NR5A2: variants seen among roughly 807,000 people sequenced by gnomAD.
The protein encoded by NR5A2 is CYP7A promoter-binding factor.
Under a neutral mutation model 62.7 loss-of-function variants are expected in NR5A2, and 26 were observed. The observed-to-expected ratio is 0.41, with a 90% confidence interval of 0.30 to 0.58. NR5A2 has a LOEUF of 0.58. NR5A2 is among the 20% of genes least tolerant of loss of function. NR5A2 has a pLI of 0.22. For synonymous variants in NR5A2, 246 were observed against 241.7 expected (o/e 1.02, Z -0.16); for missense variants, 541 against 669.1 (o/e 0.81, Z 2.11).
intron 7 of NR5A2, among the ~76,000 whole-genome samples, chr1:200,148,911 T>TC (rs1667855586): frequency 6.7e-6 from 1 of 148,824 alleles, no homozygotes; most frequent in Non-Finnish European, 1.5e-5. Flanking sequence ...CGGTACTTTT[T>TC]TTTTTTTTTT....
intron 4 of NR5A2, 109 bp downstream of exon 4, chr1:200,045,693 C>T (rs1571708407): frequency 1.2e-6 from 1 of 830,110 alleles, no homozygotes; most frequent in South Asian, 2.1e-5. Context: ...CATTTTAACA[C>T]TACCGACAAT....
intron 7 of NR5A2, among the ~76,000 whole-genome samples, chr1:200,135,428 G>A (rs1667173546): frequency 6.6e-6 from 1 of 152,044 alleles, no homozygotes; most frequent in Admixed American, 6.6e-5. Flanking sequence ...GGCTGAGACA[G>A]GAGAATCGCT....
At chr1:200,117,348 T>C (rs1666270076) in intron 6 of NR5A2, among the ~76,000 whole-genome samples, 1 of 152,242 alleles carries the variant, frequency 6.6e-6, no homozygotes, top group Admixed American at 6.5e-5. Context: ...TGCAATTTGA[T>C]AAATATCCTT....
intron 6 of NR5A2, among the ~76,000 whole-genome samples, chr1:200,119,158 C>T (rs12401508): frequency 0.081 from 12,352 of 152,156 alleles, 669 homozygotes; most frequent in Non-Finnish European, 0.12. Flanking sequence ...TCTGTACACC[C>T]AGTATTCTCT....
chr1:200,144,379 TGC>T (rs1425180555), intron 7 of NR5A2, among the ~76,000 whole-genome samples: 1 of 152,092 alleles, frequency 6.6e-6, no homozygotes, highest in Non-Finnish European at 1.5e-5. Context: ...AGCACACTGT[TGC>T]CCAACAAACT....
intron 6 of NR5A2, among the ~76,000 whole-genome samples, chr1:200,114,231 TATAC>T (rs1240702645): frequency 4.6e-5 from 6 of 130,792 alleles, no homozygotes; most frequent in Admixed American, 3.1e-4. Context: ...TATATATATA[TATAC>T]ACACACACAC....
At chr1:200,148,195 G>C in intron 7 of NR5A2, 1 of 276,600 alleles carries the variant, frequency 3.6e-6, no homozygotes, top group East Asian at 1.1e-4. Context: ...CAACCTGTCC[G>C]TTGGGCCTAT....
Position 200,074,736 on chromosome 1 carries a change from C to CAAAAAA in NR5A2, c.1110+25933_1110+25938dup, listed in dbSNP as rs199556915. 1.4e-3 allele frequency among the ~76,000 whole-genome samples: 96 copies of CAAAAAA among 67,538 alleles called. 6 individuals carry two copies. The highest frequency in any genetic ancestry group is 3.5e-3 in the South Asian group (5 of 1,430). 44.3% of individuals were successfully genotyped at this position (67,538 alleles called of 152,430 possible). A position where few individuals can be genotyped will look rare whatever the true frequency, so the allele number is the denominator to read the frequency against. ...TGGGCGACAGGGCGAGAGTCCATCT[C>CAAAAAA]AAAAAAAAAAAAAAAAAAAACACGA... On this transcript the variant is annotated intron_variant, in intron 5 of 7. Transcript: ENST00000367362.
rs747093006 is a variant in NR5A2, at chr1:200,048,335, T to A, written c.627T>A (p.Ile209=). 1 of 1,613,966 alleles carries A rather than the reference T, an allele frequency of 6.2e-7. No individual in the cohort carries two copies. The highest frequency in any genetic ancestry group is 1.3e-5 in the African/African-American group (1 of 74,890). Residue 209 remains isoleucine, a synonymous_variant, in exon 5 of 8, where the codon ATT becomes ATA. Transcript: ENST00000367362. This position sits in a 1 kb window ranked among gnomAD's most constrained non-coding sequence, Gnocchi z 4.8. ...AAGCTATGCCCTCTGACCTGACCAT[T>A]TCCTCTGCAATTCAAAACATCCACT... ...VIQAMPSDLT[I]SSAIQNIHSA...
Position 200,111,204 on chromosome 1 carries a change from T to C in NR5A2, c.1113T>C (p.Val371=), listed in dbSNP as rs758886632. The C allele has an allele frequency of 6.2e-7, 1 of 1,609,380 alleles. No homozygotes were observed. Among genetic ancestry groups the C allele is most frequent in the Non-Finnish European group, 8.5e-7 (1 of 1,178,750 alleles). ...RSSIFFRELK[V]DDQMKLLQNC... is the part of the protein sequence containing the mutation. ...GTTTGTTTCTATTTCTTTTGCAGGT[T>C]GATGACCAAATGAAGCTGCTTCAGA... Residue 371 remains valine, a splice_region_variant and synonymous_variant, in exon 6 of 8, where the codon GTT becomes GTC. Coordinates refer to ENST00000367362, the MANE Select transcript of NR5A2 (RefSeq NM_205860.3).
At chr1:200,092,986 C>A (rs1458558998) in intron 5 of NR5A2, among the ~76,000 whole-genome samples, 1 of 143,792 alleles carries the variant, frequency 7.0e-6, no homozygotes, top group Non-Finnish European at 1.5e-5. Context: ...CAGGTTCAAG[C>A]GATTCTCCTG....
At chr1:200,050,013 G>C (rs546935770) in intron 5 of NR5A2, among the ~76,000 whole-genome samples, 4 of 152,190 alleles carry the variant, frequency 2.6e-5, no homozygotes, top group Non-Finnish European at 2.9e-5. Flanking sequence ...ACGCTGTTAA[G>C]ACTGTGGACA....
At chr1:200,098,120 C>T (rs2816998) in intron 5 of NR5A2, among the ~76,000 whole-genome samples, 135,329 of 152,080 alleles carry the variant, frequency 0.89, 60,462 homozygotes, top group East Asian at 0.97. Context: ...AGTGGGTGCC[C>T]ATACTCCACC....
intron 5 of NR5A2, among the ~76,000 whole-genome samples, chr1:200,061,216 A>C (rs1240924163): frequency 6.6e-6 from 1 of 150,436 alleles, no homozygotes; most frequent in African/African-American, 2.5e-5. Flanking sequence ...AGAAAACCAC[A>C]TTATTTTGAA....
chr1:200,167,269 C>T (rs558707886), intron 7 of NR5A2, among the ~76,000 whole-genome samples: 3 of 152,286 alleles, frequency 2.0e-5, no homozygotes, highest in African/African-American at 7.2e-5. Flanking sequence ...AATATTGCTT[C>T]TCAAATCTGC....
chr1:200,174,578 A>T lies in NR5A2; in HGVS notation c.*368A>T, dbSNP rs1210011719. 1 of 158,024 alleles carries T rather than the reference A, an allele frequency of 6.3e-6. No individual in the cohort carries two copies. The highest frequency in any genetic ancestry group is 6.5e-5 in the Admixed American group (1 of 15,476). The allele number at this position is 158,024 out of a possible 1,614,324, so 9.8% of individuals were successfully genotyped here. A position where few individuals can be genotyped will look rare whatever the true frequency, so the allele number is the denominator to read the frequency against. On this transcript the variant is annotated 3_prime_UTR_variant, in exon 8 of 8. Coordinates refer to ENST00000367362, the MANE Select transcript of NR5A2 (RefSeq NM_205860.3). The stretch of plus-strand genomic sequence containing the variant: ...ATCTCCACTATGAAGAAATTTAGGA[A>T]CTAATCTTATTAATTAGGCTTATAC...
intron 1 of NR5A2, among the ~76,000 whole-genome samples, chr1:200,036,709 T>C (rs1661794571): frequency 6.6e-6 from 1 of 152,152 alleles, no homozygotes; most frequent in Admixed American, 6.5e-5. Flanking sequence ...AGGGAGCGTT[T>C]CCCATCGTCG....
chr1:200,067,459 G>A (rs1476678066), intron 5 of NR5A2, among the ~76,000 whole-genome samples: 1 of 152,232 alleles, frequency 6.6e-6, no homozygotes, highest in East Asian at 1.9e-4. Context: ...ACGAGGCTGA[G>A]GCAGGACAGT....
Position 200,048,322 on chromosome 1 carries a change from C to T in NR5A2, c.614C>T (p.Ser205Phe). ...AMSQVIQAMP[S>F]DLTISSAIQN... ...TCTCAGGTGATCCAAGCTATGCCCT[C>T]TGACCTGACCATTTCCTCTGCAATT... Residue 205 changes from serine to phenylalanine, a missense_variant, in exon 5 of 8, where the codon TCT becomes TTT. Ser to Phe is a radical substitution (Grantham distance 155, BLOSUM62 -2). Transcript: ENST00000367362. This position sits in a 1 kb window ranked among gnomAD's most constrained non-coding sequence, Gnocchi z 4.8. The T allele has an allele frequency of 6.2e-7, 1 of 1,614,214 alleles. No homozygotes were observed. Among genetic ancestry groups the T allele is most frequent in the Non-Finnish European group, 8.5e-7 (1 of 1,180,036 alleles).
Sources: gnomAD v4.1 joint callset for allele counts (sites outside exome capture counted in the v4.1 genomes callset) on GRCh38, gnomAD v4.1.1 for gene constraint, Gnocchi (gnomAD v3.1) non-coding constraint, MANE v1.5 for transcripts, NCBI Gene and HGNC (gene_info 2026-07-23, HGNC 2026-07-21) for gene names.